Variants in FAM135B observed in about 807,000 individuals in gnomAD.
FAM135B encodes family with sequence similarity 135 member B.
In FAM135B, 43 loss-of-function variants were observed where a neutral mutation model predicts 127.7. The ratio of observed to expected loss-of-function variants is 0.34; its 90% CI spans 0.26 to 0.43. The LOEUF (loss-of-function observed/expected upper bound fraction) is 0.43, where lower values mean the gene tolerates loss of function less well. FAM135B is among the 20% of genes least tolerant of loss of function. The probability of loss-of-function intolerance (pLI) is 1.00; values close to 1 mark genes in which losing one functional copy is unlikely to be tolerated. For synonymous variants in FAM135B, 670 were observed against 665.1 expected (o/e 1.01, Z -0.11); for missense variants, 1,558 against 1,725.6 (o/e 0.90, Z 1.72).
intron 7 of FAM135B, among the ~76,000 whole-genome samples, chr8:138,202,039 C>T (rs530680634): frequency 9.4e-5 from 14 of 149,178 alleles, no homozygotes; most frequent in East Asian, 4.0e-4. Context: ...GCAGGAGAAT[C>T]GCTTGAACCT....
chr8:138,263,346 A>G (rs1822683628), intron 4 of FAM135B, among the ~76,000 whole-genome samples: 1 of 152,064 alleles, frequency 6.6e-6, no homozygotes, highest in Admixed American at 6.5e-5. Context: ...CTGGGGAGTG[A>G]ACAGTCTGGA....
At chr8:138,275,270 T>C (rs1254081757) in intron 3 of FAM135B, among the ~76,000 whole-genome samples, 2 of 152,234 alleles carry the variant, frequency 1.3e-5, no homozygotes, top group African/African-American at 4.8e-5. Flanking sequence ...ACCCAAAACA[T>C]GGTTCTGACA....
chr8:138,310,672 A>C (rs1826615730), intron 3 of FAM135B, among the ~76,000 whole-genome samples, 169 bp downstream of exon 3: 1 of 152,224 alleles, frequency 6.6e-6, no homozygotes, highest in South Asian at 2.1e-4. Context: ...ATGTACACAT[A>C]TGGCCACCTC....
chr8:138,337,126 C>T (rs1477200070), intron 2 of FAM135B, among the ~76,000 whole-genome samples: 2 of 152,052 alleles, frequency 1.3e-5, no homozygotes, highest in African/African-American at 2.4e-5. Flanking sequence ...TAAGAGCTAT[C>T]TATGACAAAC....
intron 1 of FAM135B, among the ~76,000 whole-genome samples, chr8:138,430,120 T>C (rs1835112434): frequency 6.6e-6 from 1 of 152,164 alleles, no homozygotes; most frequent in Non-Finnish European, 1.5e-5. Context: ...ATTCCACGCC[T>C]TCACCACCTT....
intron 1 of FAM135B, among the ~76,000 whole-genome samples, chr8:138,475,327 C>A (rs145696250): frequency 6.6e-6 from 1 of 152,142 alleles, no homozygotes; most frequent in Admixed American, 6.5e-5. Context: ...TGGGGAGTCA[C>A]ATCAGATCTC....
rs371196927 is a variant in FAM135B, at chr8:138,242,909, A to C, written c.669+33T>G. 4 of 1,591,440 alleles carry C rather than the reference A, an allele frequency of 2.5e-6. No individual in the cohort carries two copies. In the African/African-American group the frequency reaches 5.4e-5, roughly 22 times the overall value. ...TACACTCTGCAAAGTAAAGTTTGAAAGTTTTGAAGCAACTGCCCCACACAG... is the reference window on the plus strand; with the variant it reads ...TACACTCTGCAAAGTAAAGTTTGAACGTTTTGAAGCAACTGCCCCACACAG... On this transcript the variant is annotated intron_variant, in intron 7 of 19. Coordinates refer to ENST00000395297, the MANE Select transcript of FAM135B (RefSeq NM_015912.4). The surrounding 1 kb of genome is among the most constrained non-coding windows in gnomAD (Gnocchi z 9.6).
chr8:138,386,301 A>G (rs12679167), intron 1 of FAM135B, among the ~76,000 whole-genome samples: 38,273 of 152,028 alleles, frequency 0.25, 4,899 homozygotes, highest in African/African-American at 0.28. Flanking sequence ...ACATGAAAAT[A>G]TCCATGTTTT....
chr8:138,388,471 C>T (rs1032010186), intron 1 of FAM135B, among the ~76,000 whole-genome samples: 1 of 152,134 alleles, frequency 6.6e-6, no homozygotes, highest in Non-Finnish European at 1.5e-5. Context: ...TTCATAACTA[C>T]CAAAACTCGG....
intron 7 of FAM135B, among the ~76,000 whole-genome samples, chr8:138,240,191 TC>T (rs1309340208): frequency 6.6e-6 from 1 of 152,040 alleles, no homozygotes; most frequent in African/African-American, 2.4e-5. Context: ...GTGAATGAGT[TC>T]CCCCAAGCCA....
At chr8:138,397,399 A>C (rs937219566) in intron 1 of FAM135B, among the ~76,000 whole-genome samples, 3 of 152,200 alleles carry the variant, frequency 2.0e-5, no homozygotes. Flanking sequence ...TAGAGTGATA[A>C]AAATGTCTTA....
chr8:138,247,439 G>A (rs1007583655), intron 6 of FAM135B, among the ~76,000 whole-genome samples: 2 of 152,136 alleles, frequency 1.3e-5, no homozygotes, highest in African/African-American at 2.4e-5. Context: ...TTTTATAAGG[G>A]CCTTTTATCC....
intron 2 of FAM135B, among the ~76,000 whole-genome samples, chr8:138,328,790 T>C (rs750581041): frequency 3.9e-5 from 6 of 152,180 alleles, no homozygotes; most frequent in Non-Finnish European, 7.4e-5. Context: ...CCCTCCTCTG[T>C]AACATGCAGA....
At chr8:138,487,928 C>T (rs555371559) in intron 1 of FAM135B, among the ~76,000 whole-genome samples, 6 of 152,018 alleles carry the variant, frequency 3.9e-5, no homozygotes, top group Non-Finnish European at 8.8e-5. Context: ...CGCTTGAACC[C>T]GGGAGGCAGA....
intron 9 of FAM135B, among the ~76,000 whole-genome samples, chr8:138,191,304 C>T (rs1415712092): frequency 1.3e-5 from 2 of 152,240 alleles, no homozygotes; most frequent in African/African-American, 2.4e-5. Flanking sequence ...TCACCCACTA[C>T]TTTTGAGGTG....
Position 138,414,119 on chromosome 8 carries a change from C to CATATATATAT in FAM135B, c.-19-46127_-19-46118dup, listed in dbSNP as rs60918986. On this transcript the variant is annotated intron_variant, in intron 1 of 19. Coordinates refer to ENST00000395297, the MANE Select transcript of FAM135B (RefSeq NM_015912.4). Reference sequence around the variant, plus strand: ...AAGTTCCCCTGTTCACACACAAATACATATATATATATATATATATGCACA... The same window carrying CATATATATAT: ...AAGTTCCCCTGTTCACACACAAATACATATATATATATATATATATATATATATATGCACA... 1.1e-3 allele frequency among the ~76,000 whole-genome samples: 142 copies of CATATATATAT among 124,680 alleles called. 3 individuals are homozygous for CATATATATAT. The highest frequency in any genetic ancestry group is 6.6e-3 in the South Asian group (26 of 3,948). 81.8% of individuals were successfully genotyped at this position (124,680 alleles called of 152,430 possible). A position where few individuals can be genotyped will look rare whatever the true frequency, so the allele number is the denominator to read the frequency against.
chr8:138,372,600 A>G (rs1009771491), intron 1 of FAM135B, among the ~76,000 whole-genome samples: 1 of 152,214 alleles, frequency 6.6e-6, no homozygotes, highest in Non-Finnish European at 1.5e-5. Context: ...GAGGACAATA[A>G]TAATACCTAC....
chr8:138,447,959 C>T (rs1470209507), intron 1 of FAM135B, among the ~76,000 whole-genome samples: 1 of 151,776 alleles, frequency 6.6e-6, no homozygotes, highest in Non-Finnish European at 1.5e-5. Flanking sequence ...CTCCAAACCA[C>T]CCTTTTCTCA....
intron 3 of FAM135B, among the ~76,000 whole-genome samples, chr8:138,281,060 C>T (rs2130740290): frequency 6.6e-6 from 1 of 152,180 alleles, no homozygotes; most frequent in Admixed American, 6.5e-5. Flanking sequence ...GCTGCTTCCA[C>T]CCAATTAGGT....
Sources: allele counts gnomAD v4.1 joint callset (sites outside exome capture counted in the v4.1 genomes callset), GRCh38; gene constraint gnomAD v4.1.1; non-coding constraint Gnocchi (gnomAD v3.1); transcripts MANE v1.5; gene names NCBI Gene and HGNC (gene_info 2026-07-23, HGNC 2026-07-21).